KANSL1: variants seen among roughly 807,000 people sequenced by gnomAD.
KANSL1 encodes the protein KAT8 regulatory NSL complex subunit 1, also known as MLL1/MLL complex subunit KANSL1.
KANSL1 carries 22 observed loss-of-function variants against 103.6 expected under a neutral mutation model. The observed-to-expected ratio is 0.21, with a 90% CI of 0.15 to 0.30. KANSL1 has a LOEUF of 0.30. Among genes scored for constraint, KANSL1 ranks in the 10% least tolerant of loss-of-function variants. KANSL1 has a pLI of 1.00. For missense variants in KANSL1, 1,337 were observed against 1,399.8 expected, an observed-to-expected ratio of 0.96 and a Z score of 0.72; for synonymous variants, 600 against 527.6, an observed-to-expected ratio of 1.14 and a Z score of -1.88.
At chr17:46,123,097 C>T (rs1285891527) in intron 2 of KANSL1, among the ~76,000 whole-genome samples, 2 of 152,176 alleles carry the variant, frequency 1.3e-5, no homozygotes, top group East Asian at 1.9e-4. Context: ...TTTTTAGAGA[C>T]GGGGCGCAGT....
At position 46,189,729 on chromosome 17, in the gene KANSL1, A is replaced by G. The variant is rs2047215713; in HGVS notation, c.-90+3094T>C. Among the ~76,000 whole-genome samples, 3 of 152,132 alleles carry G rather than the reference A, an allele frequency of 2.0e-5. 1 individual carries two copies. The East Asian group carries it at 5.8e-4, about 29-fold the overall frequency. On this transcript the variant is annotated intron_variant, in intron 1 of 14. Coordinates refer to ENST00000432791, the MANE Select transcript of KANSL1 (RefSeq NM_015443.4). Reference sequence around the variant, plus strand: ...TGAAACCCCCGTCTCTACTAAAAATACAAAACTTAGCTGGGCATGGTGGCA... The same window carrying G: ...TGAAACCCCCGTCTCTACTAAAAATGCAAAACTTAGCTGGGCATGGTGGCA...
intron 2 of KANSL1, among the ~76,000 whole-genome samples, chr17:46,150,877 T>C (rs2045050483): frequency 7.0e-6 from 1 of 143,232 alleles, no homozygotes. Flanking sequence ...ATGGCTTTTA[T>C]AAACAGAAAT....
rs1231071714 is a variant in KANSL1 at position 46,031,460 on chromosome 17, G to C, written c.*16C>G. 6 of 1,581,748 alleles carry C rather than the reference G, an allele frequency of 3.8e-6. No individual in the cohort carries two copies. In the African/African-American group the frequency reaches 5.4e-5, roughly 14 times the overall value. On this transcript the variant is annotated 3_prime_UTR_variant, in exon 15 of 15. Transcript: ENST00000432791. Reference sequence around the variant, plus strand: ...TGCCAATAGTTAGTGAGTCTGTTTAGATGGCTGTCTCCCGCTCATCTGTGA... The same window carrying C: ...TGCCAATAGTTAGTGAGTCTGTTTACATGGCTGTCTCCCGCTCATCTGTGA...
intron 1 of KANSL1, among the ~76,000 whole-genome samples, chr17:46,185,972 GA>G (rs2047012271): frequency 2.1e-5 from 3 of 145,802 alleles, no homozygotes; most frequent in African/African-American, 7.5e-5. Flanking sequence ...ACAAAAGACA[GA>G]GGAAAAAAAA....
At chr17:46,175,553 T>C (rs1286283685) in intron 1 of KANSL1, among the ~76,000 whole-genome samples, 2 of 152,186 alleles carry the variant, frequency 1.3e-5, no homozygotes, top group Non-Finnish European at 2.9e-5. Context: ...TTTCACCACG[T>C]TGGCCAAGCT....
intron 2 of KANSL1, among the ~76,000 whole-genome samples, chr17:46,095,936 T>C (rs572361136): frequency 4.6e-5 from 7 of 152,164 alleles, no homozygotes; most frequent in Non-Finnish European, 7.4e-5. Context: ...AATATAAATA[T>C]TAGGTAAAAC....
At chr17:46,067,368 A>C (rs1399033058) in intron 5 of KANSL1, among the ~76,000 whole-genome samples, 181 bp downstream of exon 5, 1 of 152,226 alleles carries the variant, frequency 6.6e-6, no homozygotes, top group Non-Finnish European at 1.5e-5. Context: ...AGTAGGTAAA[A>C]GGAAAATATA....
chr17:46,151,742 T>C (rs557904060), intron 2 of KANSL1, among the ~76,000 whole-genome samples: 2 of 152,404 alleles, frequency 1.3e-5, no homozygotes, highest in Non-Finnish European at 2.9e-5. Flanking sequence ...CATAATTTCT[T>C]AAACCAGCTG....
At chr17:46,075,450 C>T (rs927399456) in intron 4 of KANSL1, among the ~76,000 whole-genome samples, 2 of 152,152 alleles carry the variant, frequency 1.3e-5, no homozygotes, top group East Asian at 1.9e-4. Flanking sequence ...GATTCTTGTG[C>T]CTCAGCCTCC....
intron 1 of KANSL1, among the ~76,000 whole-genome samples, chr17:46,200,413 A>C (rs2047760509): frequency 6.6e-6 from 1 of 152,210 alleles, no homozygotes; most frequent in Non-Finnish European, 1.5e-5. Flanking sequence ...AGAGAAAAGG[A>C]GGCAGCAGGT....
intron 3 of KANSL1, chr17:46,093,123 T>A (rs2079477942): frequency 6.6e-6 from 1 of 152,230 alleles, no homozygotes; most frequent in Admixed American, 6.5e-5. Flanking sequence ...AAATCCCACT[T>A]AACTACTGGC....
chr17:46,038,438 C>T (rs2077213669), intron 10 of KANSL1, 100 bp downstream of exon 10: 1 of 1,297,852 alleles, frequency 7.7e-7, no homozygotes, highest in Admixed American at 2.4e-5. Context: ...CTATAAATGC[C>T]CTGGGCTTTA....
intron 2 of KANSL1, among the ~76,000 whole-genome samples, chr17:46,163,725 C>T (rs1170675293): frequency 6.6e-6 from 1 of 152,256 alleles, no homozygotes; most frequent in Non-Finnish European, 1.5e-5. Context: ...TCCCTCCCGT[C>T]ATTGCCCCCA....
chr17:46,182,378 C>T (rs1436228728), intron 1 of KANSL1, among the ~76,000 whole-genome samples: 1 of 152,224 alleles, frequency 6.6e-6, no homozygotes, highest in Non-Finnish European at 1.5e-5. Context: ...TGATGAAGTA[C>T]TGCAAGCTAC....
At chr17:46,165,528 T>G (rs1347864333) in intron 2 of KANSL1, among the ~76,000 whole-genome samples, 1 of 150,386 alleles carries the variant, frequency 6.6e-6, no homozygotes, top group Non-Finnish European at 1.5e-5. Context: ...ATTTTTTTTT[T>G]GAGACACAGT....
chr17:46,188,473 C>T (rs2532240), intron 1 of KANSL1, among the ~76,000 whole-genome samples: 59,832 of 151,802 alleles, frequency 0.39, 11,910 homozygotes, highest in Admixed American at 0.47. Context: ...AGTCTTAAAA[C>T]AGACTTCCAA....
chr17:46,170,409 GA>G (rs1442992506), intron 2 of KANSL1: 2 of 177,504 alleles, frequency 1.1e-5, no homozygotes, highest in Non-Finnish European at 2.3e-5. Flanking sequence ...GCTCTCTGCT[GA>G]AAGTTCAATC....
At position 46,171,943 on chromosome 17, in the gene KANSL1, A is replaced by G. The variant is rs963985468; in HGVS notation, c.201T>C (p.Pro67=). The G allele has an allele frequency of 6.2e-7, 1 of 1,614,150 alleles. No individual in the cohort carries two copies. Among genetic ancestry groups the G allele is most frequent in the South Asian group, 1.1e-5 (1 of 91,096 alleles). The change falls in exon 2 of 15, where the codon CCT becomes CCC. Residue 67 remains proline (P), a synonymous_variant. Coordinates refer to ENST00000432791, the MANE Select transcript of KANSL1 (RefSeq NM_015443.4). ...GCAGCTTTCCCAAGTCTTCCTTGGT[A>G]GGATTATTTCGGAAATCTAGGCTGG... ...EDPSLDFRNN[P]TKEDLGKLQP...
At chr17:46,047,024 G>GT (rs944667960) in intron 7 of KANSL1, among the ~76,000 whole-genome samples, 1 of 152,102 alleles carries the variant, frequency 6.6e-6, no homozygotes, top group African/African-American at 2.4e-5. Context: ...ATGTTTTAGT[G>GT]TTTTCCACTC....
Sources: gnomAD v4.1 joint callset for allele counts (sites outside exome capture counted in the v4.1 genomes callset) on GRCh38, gnomAD v4.1.1 for gene constraint, MANE v1.5 for transcripts, NCBI Gene and HGNC (gene_info 2026-07-23, HGNC 2026-07-21) for gene names.